The following GALNT7 variants were observed in gnomAD, a reference collection of about 807,000 sequenced individuals.
The protein encoded by GALNT7 is polypeptide N-acetylgalactosaminyltransferase 7, also known as N-acetylgalactosaminyltransferase 7.
GALNT7 carries 60 observed loss-of-function variants against 82.1 expected under a neutral mutation model. The ratio of observed to expected loss-of-function variants is 0.73; its 90% CI spans 0.59 to 0.91. The LOEUF is 0.91. Among genes scored for constraint, GALNT7 ranks in the 40% least tolerant of loss-of-function variants. The pLI is 0.00. For synonymous variants in GALNT7, 243 were observed against 275.1 expected, an observed-to-expected ratio of 0.88 and a Z score of 1.15; for missense variants, 660 against 804.2, an observed-to-expected ratio of 0.82 and a Z score of 2.17.
Position 173,210,795 on chromosome 4 carries a change from A to T in GALNT7, c.127-37185A>T, listed in dbSNP as rs545292493. Among the ~76,000 whole-genome samples, 5 of 152,320 alleles carry T rather than the reference A, an allele frequency of 3.3e-5. No homozygotes were observed. The South Asian group carries it at 1.0e-3, about 32-fold the overall frequency. On this transcript the variant is annotated intron_variant, in intron 1 of 11. Coordinates refer to ENST00000265000, the MANE Select transcript of GALNT7 (RefSeq NM_017423.3). ...CTTCTTTTTGATTCTGCAACAAAAAAATTAAAATGTTAAATATTAAATATC... is the reference window on the plus strand; with the variant it reads ...CTTCTTTTTGATTCTGCAACAAAAATATTAAAATGTTAAATATTAAATATC...
chr4:173,250,635 G>A (rs976240988), intron 2 of GALNT7, among the ~76,000 whole-genome samples: 1 of 152,042 alleles, frequency 6.6e-6, no homozygotes, highest in African/African-American at 2.4e-5. Flanking sequence ...GCCTCTTACT[G>A]TCTTTTTTTT....
At chr4:173,310,057 TGTGCCA>T (rs1461451557) in intron 8 of GALNT7, among the ~76,000 whole-genome samples, 1 of 152,230 alleles carries the variant, frequency 6.6e-6, no homozygotes, top group Non-Finnish European at 1.5e-5. Flanking sequence ...GTACCCAGCA[TGTGCCA>T]GGCACTTTCT....
At chr4:173,183,043 AACAC>A (rs35043722) in intron 1 of GALNT7, among the ~76,000 whole-genome samples, 16,292 of 124,832 alleles carry the variant, frequency 0.13, 962 homozygotes, top group Middle Eastern at 0.16. Flanking sequence ...CACACACATA[AACAC>A]ACACACACAC....
intron 2 of GALNT7, among the ~76,000 whole-genome samples, chr4:173,270,112 A>G (rs1462461763): frequency 6.6e-6 from 1 of 152,240 alleles, no homozygotes; most frequent in Non-Finnish European, 1.5e-5. Flanking sequence ...CTGCAGAAGT[A>G]TAGCGCAATT....
intron 1 of GALNT7, among the ~76,000 whole-genome samples, chr4:173,182,764 C>G (rs1180912312): frequency 2.1e-5 from 3 of 143,420 alleles, no homozygotes; most frequent in Non-Finnish European, 4.5e-5. Flanking sequence ...CACACACACA[C>G]AGACACAACA....
intron 2 of GALNT7, among the ~76,000 whole-genome samples, chr4:173,257,918 C>G (rs949256686): frequency 6.6e-6 from 1 of 152,202 alleles, no homozygotes; most frequent in African/African-American, 2.4e-5. Context: ...TGTACTTCAA[C>G]TTTTGTGAGG....
At position 173,317,709 on chromosome 4, in the gene GALNT7, T is replaced by C. The variant is rs1277205290; in HGVS notation, c.1684T>C (p.Cys562Arg). ...TNGGFVELGP[C>R]HRMGGNQLFR... is the part of the protein sequence containing the mutation. ...TGGAGGCTTTGTTGAACTAGGACCC[T>C]GCCACAGGATGGGAGGGAATCAGGT... Residue 562 changes from cysteine to arginine, a missense_variant, in exon 10 of 12, where the codon TGC (cysteine) becomes CGC (arginine). This residue lies in a region of GALNT7 where 527 missense variants were observed against 683.5 expected (regional missense o/e 0.77). Transcript: ENST00000265000. 1.2e-6 allele frequency: 2 copies of C among 1,609,892 alleles called. No homozygotes were observed. Among genetic ancestry groups the C allele is most frequent in the Non-Finnish European group, 1.7e-6 (2 of 1,176,274 alleles).
intron 1 of GALNT7, among the ~76,000 whole-genome samples, chr4:173,189,226 C>A (rs1732549145): frequency 6.6e-6 from 1 of 152,178 alleles, no homozygotes; most frequent in Admixed American, 6.5e-5. Context: ...AAAAATTCTA[C>A]TGATAGTTAA....
At chr4:173,280,557 C>A (rs1182518611) in intron 2 of GALNT7, among the ~76,000 whole-genome samples, 3 of 152,120 alleles carry the variant, frequency 2.0e-5, no homozygotes, top group East Asian at 3.8e-4. Context: ...TCATTGCAAG[C>A]CTGTAATCTG....
At chr4:173,210,581 G>A (rs1490360164) in intron 1 of GALNT7, among the ~76,000 whole-genome samples, 2 of 151,988 alleles carry the variant, frequency 1.3e-5, no homozygotes, top group Non-Finnish European at 2.9e-5. Flanking sequence ...GGCCTCCCAA[G>A]CAGCTGGGAC....
intron 1 of GALNT7, among the ~76,000 whole-genome samples, chr4:173,193,857 C>T (rs909837246): frequency 3.3e-5 from 5 of 152,018 alleles, no homozygotes; most frequent in Admixed American, 6.5e-5. Flanking sequence ...GGGAGGCATC[C>T]GAGTGGCTTA....
At chr4:173,271,577 C>T (rs1354167752) in intron 2 of GALNT7, among the ~76,000 whole-genome samples, 2 of 152,132 alleles carry the variant, frequency 1.3e-5, no homozygotes, top group Non-Finnish European at 2.9e-5. Flanking sequence ...CTGCCTCAGA[C>T]TCCCGAGTAG....
intron 1 of GALNT7, among the ~76,000 whole-genome samples, chr4:173,207,315 A>C (rs1309493065): frequency 1.3e-5 from 2 of 152,222 alleles, no homozygotes; most frequent in Non-Finnish European, 2.9e-5. Flanking sequence ...TGAAAAATAC[A>C]AAAAAGAATA....
chr4:173,226,575 A>G (rs1383989403), intron 1 of GALNT7, among the ~76,000 whole-genome samples: 6 of 152,106 alleles, frequency 3.9e-5, no homozygotes, highest in Non-Finnish European at 7.4e-5. Flanking sequence ...CTCAGCATAC[A>G]TCCTTCATCC....
chr4:173,210,993 G>A (rs79752990), intron 1 of GALNT7, among the ~76,000 whole-genome samples: 2,364 of 152,004 alleles, frequency 0.016, 39 homozygotes, highest in African/African-American at 0.032. Context: ...GAATGTATCA[G>A]CGTGTAATCA....
intron 1 of GALNT7, among the ~76,000 whole-genome samples, chr4:173,203,717 T>A (rs1206573148): frequency 1.3e-5 from 2 of 152,226 alleles, no homozygotes; most frequent in Non-Finnish European, 2.9e-5. Context: ...CAACTCAGAT[T>A]GCATTAAAAA....
chr4:173,263,992 T>G (rs918179837), intron 2 of GALNT7, among the ~76,000 whole-genome samples: 2 of 152,164 alleles, frequency 1.3e-5, no homozygotes, highest in African/African-American at 4.8e-5. Context: ...ACGCAAAGCC[T>G]TCCCCCTTTA....
At chr4:173,231,487 A>G (rs1180783306) in intron 1 of GALNT7, among the ~76,000 whole-genome samples, 5 of 152,178 alleles carry the variant, frequency 3.3e-5, no homozygotes, top group East Asian at 3.8e-4. Flanking sequence ...CCAGGGTTCA[A>G]ACCTACATCA....
At chr4:173,175,329 C>T (rs1732002808) in intron 1 of GALNT7, among the ~76,000 whole-genome samples, 1 of 152,198 alleles carries the variant, frequency 6.6e-6, no homozygotes, top group African/African-American at 2.4e-5. Context: ...GTAACAACCA[C>T]CCTCTATTGC....
Sources: gnomAD v4.1 joint callset for allele counts (sites outside exome capture counted in the v4.1 genomes callset) on GRCh38, gnomAD v4.1.1 for gene constraint, gnomAD v4.1.1 regional missense constraint, MANE v1.5 for transcripts, NCBI Gene and HGNC (gene_info 2026-07-23, HGNC 2026-07-21) for gene names.